Variants in CTBP2 observed in about 807,000 individuals in gnomAD.
CTBP2 encodes the protein C-terminal binding protein 2.
In CTBP2, 30 loss-of-function variants were observed where a neutral mutation model predicts 80.3. The observed-to-expected ratio is 0.37, with a 90% CI of 0.28 to 0.51. CTBP2 has a LOEUF of 0.51. Ranked by LOEUF, CTBP2 falls within the 20% of genes least tolerant of loss-of-function variation. The probability of loss-of-function intolerance (pLI) is 0.93; values close to 1 mark genes in which losing one functional copy is unlikely to be tolerated. For missense variants in CTBP2, 1,212 were observed against 1,375.3 expected (o/e 0.88, Z 1.88); for synonymous variants, 594 against 587.4 (o/e 1.01, Z -0.16).
At chr10:125,075,070 C>G (rs1846073403) in intron 2 of CTBP2, among the ~76,000 whole-genome samples, 1 of 152,172 alleles carries the variant, frequency 6.6e-6, no homozygotes, top group African/African-American at 2.4e-5. Flanking sequence ...CTTGGGTAGA[C>G]AACGGTGATC....
At chr10:125,002,914 C>G (rs564040819) in intron 3 of CTBP2, 46 bp downstream of exon 5, 2 of 1,603,350 alleles carry the variant, frequency 1.2e-6, no homozygotes, top group Non-Finnish European at 1.7e-6. Flanking sequence ...GCAGGGCCCA[C>G]AGAGCTCCGG....
chr10:125,142,524 C>A (rs538629466), intron 1 of CTBP2, among the ~76,000 whole-genome samples: 1 of 152,144 alleles, frequency 6.6e-6, no homozygotes, highest in African/African-American at 2.4e-5. Flanking sequence ...GAACTTTCCT[C>A]GGTGATGGGA....
At chr10:125,047,739 A>G (rs996856726) in intron 2 of CTBP2, among the ~76,000 whole-genome samples, 1 of 152,254 alleles carries the variant, frequency 6.6e-6, no homozygotes, top group Non-Finnish European at 1.5e-5. Flanking sequence ...TATATAATAA[A>G]TTATTAATGA....
chr10:125,022,947 C>T (rs12357688), intron 1 of CTBP2, among the ~76,000 whole-genome samples: 31,744 of 152,212 alleles, frequency 0.21, 3,745 homozygotes, highest in Middle Eastern at 0.27. Flanking sequence ...TATACAGATT[C>T]TGATAGGGCT....
Position 125,045,762 on chromosome 10 carries a change from T to C in CTBP2, c.-101-6607A>G, listed in dbSNP as rs138811274. On this transcript the variant is annotated intron_variant, in intron 2 of 10. Transcript: ENST00000337195. ...CCCTCGGCCTCCCAAAGTGCTGGGA[T>C]TACAGGCGTGAGCCACCAAGCCCAG... 7.8e-3 allele frequency among the ~76,000 whole-genome samples: 1,181 copies of C among 152,258 alleles called. 9 individuals are homozygous for C. The highest frequency in any genetic ancestry group is 0.014 in the Non-Finnish European group (948 of 68,010).
At chr10:125,028,972 C>G (rs759780810), upstream of CTBP2, among the ~76,000 whole-genome samples, 3 of 152,152 alleles carry the variant, frequency 2.0e-5, no homozygotes, top group Non-Finnish European at 4.4e-5. Context: ...TGGAACAGTA[C>G]CAGAGAAGCA....
intron 3 of CTBP2, chr10:124,998,596 CA>C (rs1228940597): frequency 1.8e-5 from 4 of 224,442 alleles, no homozygotes; most frequent in Non-Finnish European, 3.6e-5. Flanking sequence ...GGCAGGGTGA[CA>C]AAGAATGGCT....
intron 8 of CTBP2, among the ~76,000 whole-genome samples, chr10:124,991,984 C>A (rs1006286019): frequency 2.6e-5 from 4 of 151,848 alleles, no homozygotes; most frequent in African/African-American, 9.6e-5. Context: ...GTCTTTCCCC[C>A]ACTCTGCGTT....
intron 1 of CTBP2, among the ~76,000 whole-genome samples, chr10:125,119,551 A>G (rs1853960444): frequency 6.6e-6 from 1 of 152,262 alleles, no homozygotes; most frequent in Non-Finnish European, 1.5e-5. Flanking sequence ...AGACATAGGA[A>G]AAATACTTAT....
Position 125,139,612 on chromosome 10 carries a change from G to A in CTBP2, c.-206+20707C>T, listed in dbSNP as rs1857483484. Among the ~76,000 whole-genome samples the A allele has an allele frequency of 2.0e-5, 3 of 152,212 alleles. No individual in the cohort carries two copies. In the South Asian group the frequency reaches 6.2e-4, roughly 32 times the overall value. On this transcript the variant is annotated intron_variant, in intron 1 of 10. Transcript: ENST00000337195. ...GTCTAGGCCAGCTGGGCCTGGGCAT[G>A]TAATAGCAAAAGCTACTCACCTGAG...
chr10:125,131,907 GA>G (rs1284027197), intron 1 of CTBP2, among the ~76,000 whole-genome samples: 1 of 152,194 alleles, frequency 6.6e-6, no homozygotes, highest in Non-Finnish European at 1.5e-5. Flanking sequence ...AACTATCATG[GA>G]GCCTCCGACA....
chr10:125,078,443 G>C (rs755988634), intron 2 of CTBP2, among the ~76,000 whole-genome samples: 7 of 151,882 alleles, frequency 4.6e-5, no homozygotes, highest in Non-Finnish European at 7.4e-5. Flanking sequence ...AATTATTATT[G>C]ATTACAAAGC....
At chr10:125,055,024 T>G (rs1963592267) in intron 2 of CTBP2, among the ~76,000 whole-genome samples, 1 of 152,164 alleles carries the variant, frequency 6.6e-6, no homozygotes, top group South Asian at 2.1e-4. Flanking sequence ...GGGTCTCCAC[T>G]CTGACTCACG....
intron 8 of CTBP2, among the ~76,000 whole-genome samples, chr10:124,991,722 C>T (rs972906585): frequency 6.6e-6 from 1 of 152,128 alleles, no homozygotes. Context: ...CAGGACAGGC[C>T]AGGCCTCCTA....
intron 2 of CTBP2, among the ~76,000 whole-genome samples, chr10:125,085,389 C>T (rs1416544646): frequency 5.9e-5 from 9 of 152,200 alleles, no homozygotes; most frequent in African/African-American, 1.9e-4. Flanking sequence ...CCTGTACACA[C>T]GCCTGACTCT....
At chr10:125,003,171 G>A in intron 2 of CTBP2, 67 bp from the exon 5 acceptor site, 1 of 1,603,480 alleles carries the variant, frequency 6.2e-7, no homozygotes, top group Non-Finnish European at 8.5e-7. Context: ...ACTTGGCCTG[G>A]CCCCCTGGCC....
intron 1 of CTBP2, among the ~76,000 whole-genome samples, chr10:125,115,507 G>A (rs1853098477): frequency 6.6e-6 from 1 of 152,174 alleles, no homozygotes; most frequent in Non-Finnish European, 1.5e-5. Context: ...GTGATTTGGA[G>A]GTAACAGCAT....
At chr10:125,015,063 A>C (rs1370278038) in intron 1 of CTBP2, among the ~76,000 whole-genome samples, 1 of 152,194 alleles carries the variant, frequency 6.6e-6, no homozygotes, top group Non-Finnish European at 1.5e-5. Context: ...TAGAGGAAAA[A>C]AATGTGCTCC....
intron 1 of CTBP2, chr10:125,005,770 A>T: frequency 6.2e-7 from 1 of 1,612,900 alleles, no homozygotes; most frequent in Non-Finnish European, 8.5e-7. Context: ...TTGAGGTCTG[A>T]GCGCACAACC....
Sources: gnomAD v4.1 joint callset for allele counts (sites outside exome capture counted in the v4.1 genomes callset) on GRCh38, gnomAD v4.1.1 for gene constraint, MANE v1.5 for transcripts, NCBI Gene and HGNC (gene_info 2026-07-23, HGNC 2026-07-21) for gene names.